Variants in FSTL5 observed in about 807,000 individuals in gnomAD.
FSTL5 encodes follistatin like 5.
A neutral mutation model predicts 89.1 loss-of-function variants in FSTL5; 62 were observed. The observed-to-expected ratio is 0.70, with a 90% CI of 0.57 to 0.86. The LOEUF (loss-of-function observed/expected upper bound fraction) is 0.86, where lower values mean the gene tolerates loss of function less well. Ranked by LOEUF, FSTL5 falls within the 40% of genes least tolerant of loss-of-function variation. The pLI is 0.00. For synonymous variants in FSTL5, 383 were observed against 346.2 expected (o/e 1.11, Z -1.18); for missense variants, 1,057 against 1,001.6 (o/e 1.06, Z -0.75).
At chr4:161,630,626 T>C (rs1357979183) in intron 7 of FSTL5, among the ~76,000 whole-genome samples, 1 of 152,220 alleles carries the variant, frequency 6.6e-6, no homozygotes, top group Non-Finnish European at 1.5e-5. Flanking sequence ...CTTTAAATAT[T>C]GGTTAAGTAT....
intron 15 of FSTL5, chr4:161,386,740 G>A: frequency 3.0e-6 from 1 of 330,156 alleles, no homozygotes. Context: ...TAACATAGTG[G>A]AAAGAAGAAG....
chr4:162,137,801 A>G (rs1732576070), intron 1 of FSTL5, among the ~76,000 whole-genome samples: 1 of 152,198 alleles, frequency 6.6e-6, no homozygotes, highest in Admixed American at 6.5e-5. Context: ...ATATGATACC[A>G]TTATATTTCT....
At chr4:161,918,770 G>C (rs186533053) in intron 4 of FSTL5, among the ~76,000 whole-genome samples, 5 of 151,722 alleles carry the variant, frequency 3.3e-5, no homozygotes, top group Non-Finnish European at 7.4e-5. Context: ...TCAGCCTCCC[G>C]AGTGGCTGGG....
intron 7 of FSTL5, among the ~76,000 whole-genome samples, chr4:161,615,485 C>T (rs540431981): frequency 6.6e-6 from 1 of 150,498 alleles, no homozygotes; most frequent in Non-Finnish European, 1.5e-5. Context: ...AAATACAGGC[C>T]TTCTAAATAA....
intron 4 of FSTL5, among the ~76,000 whole-genome samples, chr4:161,877,072 T>TA (rs1347208849): frequency 6.6e-6 from 1 of 151,048 alleles, no homozygotes; most frequent in Non-Finnish European, 1.5e-5. Flanking sequence ...TAATCCCAGC[T>TA]ACTCGGGCGG....
At chr4:161,791,991 C>A (rs1277792753) in intron 4 of FSTL5, among the ~76,000 whole-genome samples, 2 of 152,118 alleles carry the variant, frequency 1.3e-5, no homozygotes, top group Non-Finnish European at 2.9e-5. Context: ...GGTTGGATGC[C>A]CCGCACTGCC....
At chr4:161,984,888 A>T (rs1476075697) in intron 3 of FSTL5, among the ~76,000 whole-genome samples, 1 of 152,060 alleles carries the variant, frequency 6.6e-6, no homozygotes, top group Non-Finnish European at 1.5e-5. Context: ...ACTAAATCAA[A>T]ATCTCTAGAA....
rs1236183490 is a variant in FSTL5 at position 161,779,786 on chromosome 4, T to TAC, written c.410-3713_410-3712insGT. ...ATATATATATATATGTATATATATATATATATATATATATATATATATATG... is the reference window on the plus strand; with the variant it reads ...ATATATATATATATGTATATATATATACATATATATATATATATATATATATG... On this transcript the variant is annotated intron_variant, in intron 4 of 15. Transcript: ENST00000306100. Among the ~76,000 whole-genome samples, 13 of 42,724 alleles carry TAC rather than the reference T, an allele frequency of 3.0e-4. 1 individual carries two copies. In the South Asian group the frequency reaches 6.4e-3, roughly 21 times the overall value. The allele number at this position is 42,724 out of a possible 152,430, so 28.0% of individuals were successfully genotyped here.
intron 15 of FSTL5, among the ~76,000 whole-genome samples, chr4:161,394,355 AACCTCC>A (rs1229060112): frequency 6.6e-6 from 1 of 152,156 alleles, no homozygotes; most frequent in Non-Finnish European, 1.5e-5. Context: ...GGCTTACTGC[AACCTCC>A]ACCTTCTGGG....
intron 7 of FSTL5, among the ~76,000 whole-genome samples, chr4:161,631,455 A>G (rs773709201): frequency 1.3e-5 from 2 of 152,124 alleles, no homozygotes; most frequent in Non-Finnish European, 2.9e-5. Flanking sequence ...CATTTCTACT[A>G]AAAATACAAA....
chr4:161,615,138 C>A (rs1208729674), intron 7 of FSTL5, among the ~76,000 whole-genome samples: 1 of 151,474 alleles, frequency 6.6e-6, no homozygotes, highest in African/African-American at 2.4e-5. Context: ...ACTAAAAATA[C>A]AAAAAATTAG....
chr4:161,861,384 T>A (rs189222225), intron 4 of FSTL5, among the ~76,000 whole-genome samples: 40 of 151,484 alleles, frequency 2.6e-4, no homozygotes, highest in Admixed American at 2.0e-3. Context: ...ATAGCTCCAC[T>A]GCACTCCAGC....
intron 6 of FSTL5, among the ~76,000 whole-genome samples, chr4:161,658,515 C>T (rs1394690782): frequency 6.6e-6 from 1 of 151,828 alleles, no homozygotes; most frequent in Non-Finnish European, 1.5e-5. Context: ...TATATTCTGT[C>T]ATATACATAT....
At chr4:161,989,179 CT>C (rs1736044933) in intron 3 of FSTL5, among the ~76,000 whole-genome samples, 1 of 152,096 alleles carries the variant, frequency 6.6e-6, no homozygotes, top group African/African-American at 2.4e-5. Context: ...ATAAACAGGC[CT>C]TGTGTCTCAT....
At chr4:162,135,774 T>C (rs1732497423) in intron 1 of FSTL5, among the ~76,000 whole-genome samples, 1 of 152,158 alleles carries the variant, frequency 6.6e-6, no homozygotes. Flanking sequence ...CTAGATATTT[T>C]GTTGAATAAA....
chr4:161,472,040 G>A (rs894808123), intron 13 of FSTL5, among the ~76,000 whole-genome samples: 3 of 148,768 alleles, frequency 2.0e-5, no homozygotes, highest in Non-Finnish European at 4.4e-5. Context: ...GCAGTGGCAC[G>A]ATCTTGGCTC....
chr4:161,938,282 A>T (rs1323420077), intron 3 of FSTL5, among the ~76,000 whole-genome samples: 1 of 152,116 alleles, frequency 6.6e-6, no homozygotes, highest in Non-Finnish European at 1.5e-5. Flanking sequence ...TAACTAGCAG[A>T]GTCTCTGGTG....
chr4:161,467,889 T>C (rs1560909333), intron 13 of FSTL5, among the ~76,000 whole-genome samples: 1 of 152,122 alleles, frequency 6.6e-6, no homozygotes, highest in Non-Finnish European at 1.5e-5. Context: ...TGTATTTTGG[T>C]AGCATATATA....
intron 8 of FSTL5, among the ~76,000 whole-genome samples, chr4:161,551,665 C>G (rs1213864153): frequency 6.6e-6 from 1 of 151,798 alleles, no homozygotes; most frequent in African/African-American, 2.4e-5. Context: ...AGAACAGAGC[C>G]CTCAGAAATA....
Sources: allele counts gnomAD v4.1 joint callset (sites outside exome capture counted in the v4.1 genomes callset), GRCh38; gene constraint gnomAD v4.1.1; transcripts MANE v1.5; gene names NCBI Gene and HGNC (gene_info 2026-07-23, HGNC 2026-07-21).